The following CADM2 variants were observed in gnomAD, a reference collection of about 807,000 sequenced individuals.
CADM2 encodes the protein immunoglobulin superfamily member 4D.
Under a neutral mutation model 49.8 loss-of-function variants are expected in CADM2, and 12 were observed. The observed-to-expected ratio is 0.24, with a 90% CI of 0.15 to 0.39. CADM2 has a LOEUF of 0.39. Ranked by LOEUF, CADM2 falls within the 10% of genes least tolerant of loss-of-function variation. The probability of loss-of-function intolerance (pLI) is 1.00; values close to 1 mark genes in which losing one functional copy is unlikely to be tolerated. For missense variants in CADM2, 378 were observed against 492.3 expected (o/e 0.77, Z 2.20); for synonymous variants, 214 against 175.4 (o/e 1.22, Z -1.74).
intron 2 of CADM2, 58 bp from the exon 3 acceptor site, chr3:85,801,989 G>GGGGTC: frequency 7.1e-7 from 1 of 1,411,526 alleles, no homozygotes; most frequent in East Asian, 2.4e-5. Flanking sequence ...GTAGATCTTA[G>GGGGTC]GCAGTTAATC....
intron 1 of CADM2, among the ~76,000 whole-genome samples, chr3:85,604,474 G>A (rs2063497283): frequency 6.6e-6 from 1 of 151,962 alleles, no homozygotes. Context: ...GTTTACCCAT[G>A]TGAAACTCTG....
chr3:85,326,187 A>C (rs911620362), intron 1 of CADM2, among the ~76,000 whole-genome samples: 2 of 152,192 alleles, frequency 1.3e-5, no homozygotes, highest in African/African-American at 2.4e-5. Flanking sequence ...GAGAAGTTTT[A>C]AGGCCTAAGT....
At chr3:85,290,027 T>C (rs1433913403) in intron 1 of CADM2, among the ~76,000 whole-genome samples, 1 of 152,118 alleles carries the variant, frequency 6.6e-6, no homozygotes, top group Non-Finnish European at 1.5e-5. Flanking sequence ...CCATCTGAGG[T>C]ACTGGTTTCA....
chr3:85,017,473 C>A (rs2034302313), intron 1 of CADM2, among the ~76,000 whole-genome samples: 1 of 152,126 alleles, frequency 6.6e-6, no homozygotes, highest in African/African-American at 2.4e-5. Flanking sequence ...TCACTTTTAT[C>A]GTCATGCCAA....
intron 1 of CADM2, among the ~76,000 whole-genome samples, chr3:85,155,516 C>G (rs895760148): frequency 1.3e-5 from 2 of 152,036 alleles, no homozygotes; most frequent in African/African-American, 4.8e-5. Context: ...CCACTGTCAA[C>G]ATTAGACAGA....
chr3:85,325,535 C>G (rs868119334), intron 1 of CADM2, among the ~76,000 whole-genome samples: 1 of 152,068 alleles, frequency 6.6e-6, no homozygotes, highest in South Asian at 2.1e-4. Context: ...CATGGCGAAA[C>G]CCCGTTTCTG....
chr3:85,502,545 A>G (rs2040162210), intron 1 of CADM2, among the ~76,000 whole-genome samples: 1 of 152,178 alleles, frequency 6.6e-6, no homozygotes, highest in African/African-American at 2.4e-5. Flanking sequence ...ATTATCTGCA[A>G]CTATCAGTTT....
chr3:85,903,575 C>T (rs988670204), intron 5 of CADM2, among the ~76,000 whole-genome samples: 3 of 152,080 alleles, frequency 2.0e-5, no homozygotes, highest in Non-Finnish European at 4.4e-5. Flanking sequence ...AAGGGAGTTC[C>T]TTTGTAAAAG....
chr3:85,324,317 A>T (rs1485371081), intron 1 of CADM2, among the ~76,000 whole-genome samples: 1 of 152,228 alleles, frequency 6.6e-6, no homozygotes, highest in African/African-American at 2.4e-5. Flanking sequence ...GCATAGTAAC[A>T]GAATTGAGTG....
intron 6 of CADM2, among the ~76,000 whole-genome samples, chr3:85,935,488 C>T (rs182479994): frequency 1.2e-3 from 187 of 152,134 alleles, no homozygotes; most frequent in Non-Finnish European, 1.8e-3. Context: ...ATATTCATCT[C>T]AACCACATTT....
intron 1 of CADM2, among the ~76,000 whole-genome samples, chr3:85,220,323 TG>T (rs929836462): frequency 9.9e-5 from 15 of 152,168 alleles, no homozygotes; most frequent in Admixed American, 7.9e-4. Context: ...TAACAATTTT[TG>T]GGGAAAATTT....
At chr3:85,328,470 A>C (rs1020144989) in intron 1 of CADM2, among the ~76,000 whole-genome samples, 3 of 152,168 alleles carry the variant, frequency 2.0e-5, no homozygotes, top group African/African-American at 7.2e-5. Context: ...TGCTAATTGG[A>C]ATGCTCTGAA....
chr3:85,342,752 A>G (rs1368002532), intron 1 of CADM2, among the ~76,000 whole-genome samples: 3 of 152,176 alleles, frequency 2.0e-5, no homozygotes, highest in Non-Finnish European at 4.4e-5. Context: ...AAAGCAAAGA[A>G]GAAAGAGTAG....
At chr3:85,645,818 GA>G (rs531512858) in intron 1 of CADM2, among the ~76,000 whole-genome samples, 1 of 151,852 alleles carries the variant, frequency 6.6e-6, no homozygotes, top group African/African-American at 2.4e-5. Context: ...GACAACAAAA[GA>G]AAAACTTTAT....
intron 8 of CADM2, among the ~76,000 whole-genome samples, chr3:86,051,180 G>T (rs897796073): frequency 6.6e-6 from 1 of 152,064 alleles, no homozygotes; most frequent in Non-Finnish European, 1.5e-5. Flanking sequence ...CATTTATTCT[G>T]CCAGATACCT....
intron 8 of CADM2, among the ~76,000 whole-genome samples, chr3:85,975,274 C>A (rs575491046): frequency 1.3e-5 from 2 of 151,268 alleles, no homozygotes; most frequent in South Asian, 2.1e-4. Flanking sequence ...AAATTTAAAA[C>A]ACATAATTAT....
At chr3:85,251,574 A>G (rs1189325071) in intron 1 of CADM2, among the ~76,000 whole-genome samples, 1 of 152,016 alleles carries the variant, frequency 6.6e-6, no homozygotes, top group Admixed American at 6.6e-5. Context: ...AAAATTTTGA[A>G]GAGTCTTAAA....
intron 1 of CADM2, among the ~76,000 whole-genome samples, chr3:85,368,780 A>G (rs912400153): frequency 6.6e-6 from 1 of 152,262 alleles, no homozygotes; most frequent in East Asian, 1.9e-4. Flanking sequence ...AAACAGAAGA[A>G]TAGAAAAGAG....
chr3:85,003,094 C>T (rs1271105251), intron 1 of CADM2, among the ~76,000 whole-genome samples: 1 of 152,088 alleles, frequency 6.6e-6, no homozygotes, highest in Non-Finnish European at 1.5e-5. Flanking sequence ...CCTCACCTGG[C>T]CGTATCCTTT....
Sources: gnomAD v4.1 joint callset for allele counts (sites outside exome capture counted in the v4.1 genomes callset) on GRCh38, gnomAD v4.1.1 for gene constraint, MANE v1.5 for transcripts, NCBI Gene and HGNC (gene_info 2026-07-23, HGNC 2026-07-21) for gene names.